The following KNTC1 variants were observed in gnomAD, a reference collection of about 807,000 sequenced individuals.
KNTC1 encodes kinetochore associated 1.
In KNTC1, 253 loss-of-function variants were observed where a neutral mutation model predicts 314.4. The ratio of observed to expected loss-of-function variants is 0.80; its 90% CI spans 0.73 to 0.89. The LOEUF is 0.89. Ranked by LOEUF, KNTC1 falls within the 40% of genes least tolerant of loss-of-function variation. The probability of loss-of-function intolerance (pLI) is 0.00; values close to 1 mark genes in which losing one functional copy is unlikely to be tolerated. For missense variants in KNTC1, 2,475 were observed against 2,572.9 expected, an observed-to-expected ratio of 0.96 and a Z score of 0.82; for synonymous variants, 901 against 901.4, an observed-to-expected ratio of 1.00 and a Z score of 0.01.
At position 122,615,483 on chromosome 12, in the gene KNTC1, G is replaced by T; in HGVS notation, c.5987G>T (p.Arg1996Met). The T allele has an allele frequency of 6.6e-7, 1 of 1,524,196 alleles. No homozygotes were observed. Among genetic ancestry groups the T allele is most frequent in the Non-Finnish European group, 8.8e-7 (1 of 1,131,482 alleles). 94.4% of individuals were successfully genotyped at this position (1,524,196 alleles called of 1,614,324 possible). A position where few individuals can be genotyped will look rare whatever the true frequency, so the allele number is the denominator to read the frequency against. The change falls in exon 57 of 64, where the codon AGG becomes ATG. Residue 1996 changes from arginine to methionine, a missense_variant. Arg to Met is a moderately conservative substitution (Grantham distance 91, BLOSUM62 -1). Transcript: ENST00000333479. ...LLGFNMIPYL[R>M]KVLKAISSIH... ...AATTTTTTACAGATTCCTTATCTAA[G>T]GAAAGTTTTAAAAGCCATCTCCAGT...
chr12:122,555,458 A>C lies in KNTC1; in HGVS notation c.1273-1926A>C, dbSNP rs557339116. Among the ~76,000 whole-genome samples the C allele has an allele frequency of 4.6e-5, 7 of 152,322 alleles. No homozygotes were observed. In the East Asian group the frequency reaches 7.7e-4, roughly 17 times the overall value. ...TCCCAGTTACTCGGGAGGCTGAGGC[A>C]GATGAATCGCTTGAATCAGAAGGCG... is the stretch of plus-strand genomic sequence containing the variant. On this transcript the variant is annotated intron_variant, in intron 16 of 63. Transcript: ENST00000333479.
Position 122,582,665 on chromosome 12 carries a change from A to G in KNTC1, c.2983-40A>G, listed in dbSNP as rs187216156. 4.0e-6 allele frequency: 6 copies of G among 1,510,018 alleles called. No homozygotes were observed. The East Asian group carries it at 6.8e-5, about 17-fold the overall frequency. The allele number at this position is 1,510,018 out of a possible 1,614,324, so 93.5% of individuals were successfully genotyped here. A position where few individuals can be genotyped will look rare whatever the true frequency, so the allele number is the denominator to read the frequency against. ...AAATGATTATTTTAAACAATAGATT[A>G]AACAGACTTGGGACTTTGTCTTGCT... On this transcript the variant is annotated intron_variant, in intron 33 of 63. Transcript: ENST00000333479.
intron 20 of KNTC1, among the ~76,000 whole-genome samples, chr12:122,564,456 T>C (rs1964173866): frequency 6.6e-6 from 1 of 152,082 alleles, no homozygotes; most frequent in Non-Finnish European, 1.5e-5. Context: ...CCACGCTCCA[T>C]TCTAGAATTA....
At chr12:122,546,528 G>A (rs1438695327) in intron 9 of KNTC1, 94 bp from the exon 10 acceptor site, 2 of 823,612 alleles carry the variant, frequency 2.4e-6, no homozygotes, top group African/African-American at 1.7e-5. Context: ...TAGTAATTAT[G>A]TAGTTCTGCC....
At chr12:122,540,321 T>A (rs1962205444) in intron 5 of KNTC1, among the ~76,000 whole-genome samples, 1 of 151,704 alleles carries the variant, frequency 6.6e-6, no homozygotes. Flanking sequence ...TACAGGCACC[T>A]GCCACCACGC....
intron 16 of KNTC1, among the ~76,000 whole-genome samples, chr12:122,556,917 CTTTTTTTT>C (rs35101646): frequency 2.3e-5 from 2 of 88,290 alleles, no homozygotes; most frequent in African/African-American, 4.6e-5. Flanking sequence ...AATTTTCCCT[CTTTTTTTT>C]TTTTTTTTTT....
At chr12:122,576,353 G>A (rs1057384741) in intron 29 of KNTC1, among the ~76,000 whole-genome samples, 1 of 152,084 alleles carries the variant, frequency 6.6e-6, no homozygotes. Context: ...ACAGGCGTGA[G>A]CTACCGCTCC....
chr12:122,577,109 G>T (rs1007043526), intron 30 of KNTC1, 80 bp downstream of exon 30: 2 of 1,116,540 alleles, frequency 1.8e-6, no homozygotes, highest in Non-Finnish European at 2.4e-6. Context: ...ACAGGGTCTC[G>T]CTCCATTGCC....
intron 43 of KNTC1, among the ~76,000 whole-genome samples, chr12:122,595,578 G>A (rs963611749): frequency 1.3e-5 from 2 of 152,198 alleles, no homozygotes; most frequent in Admixed American, 6.5e-5. Flanking sequence ...GGGAAAGACC[G>A]TGGCTGTCAC....
At position 122,571,131 on chromosome 12, in the gene KNTC1, G is replaced by T. The variant is rs374138856; in HGVS notation, c.2019+5G>T. The stretch of plus-strand genomic sequence containing the variant: ...TCCTGGCATTGGATTTCCTTGGTAT[G>T]ATGTGAGAATGGATTTTTAGTAATG... On this transcript the variant is annotated splice_donor_5th_base_variant and intron_variant, in intron 24 of 63. Transcript: ENST00000333479. 2 of 1,603,286 alleles carry T rather than the reference G, an allele frequency of 1.2e-6. No individual in the cohort carries two copies. Among genetic ancestry groups the T allele is most frequent in the East Asian group, 4.5e-5 (2 of 44,786 alleles).
intron 31 of KNTC1, among the ~76,000 whole-genome samples, chr12:122,578,650 C>T (rs1593593084): frequency 6.6e-6 from 1 of 152,100 alleles, no homozygotes; most frequent in South Asian, 2.1e-4. Context: ...AAACTCCTGA[C>T]GCCAACTGAT....
chr12:122,543,740 T>C (rs1473298928), intron 7 of KNTC1, 106 bp downstream of exon 7: 2 of 661,724 alleles, frequency 3.0e-6, no homozygotes, highest in Non-Finnish European at 5.0e-6. Flanking sequence ...TTTTAGAAAT[T>C]ATTATGATAT....
intron 3 of KNTC1, among the ~76,000 whole-genome samples, chr12:122,536,084 T>TA (rs1448110001): frequency 6.7e-6 from 1 of 149,148 alleles, no homozygotes; most frequent in African/African-American, 2.5e-5. Flanking sequence ...TTTTTTTTTT[T>TA]AGTAGAGACA....
At chr12:122,559,527 G>T (rs1212863294) in intron 18 of KNTC1, among the ~76,000 whole-genome samples, 1 of 151,532 alleles carries the variant, frequency 6.6e-6, no homozygotes, top group Admixed American at 6.6e-5. Context: ...TTTATATTTT[G>T]TTAAAAAATA....
chr12:122,610,723 G>T, intron 52 of KNTC1, 99 bp from the exon 53 acceptor site: 1 of 739,338 alleles, frequency 1.4e-6, no homozygotes. Flanking sequence ...CTGCCTTTGA[G>T]TTGTCTAATG....
intron 43 of KNTC1, among the ~76,000 whole-genome samples, chr12:122,596,974 A>C (rs1871139287): frequency 6.6e-6 from 1 of 151,544 alleles, no homozygotes; most frequent in Non-Finnish European, 1.5e-5. Flanking sequence ...TTCCTTTTCT[A>C]CTTCTTTAAG....
chr12:122,608,109 T>G (rs990757788), intron 51 of KNTC1, among the ~76,000 whole-genome samples: 1 of 152,132 alleles, frequency 6.6e-6, no homozygotes, highest in African/African-American at 2.4e-5. Context: ...AATATGACAT[T>G]AGGGTTTTGT....
chr12:122,562,123 T>C, intron 19 of KNTC1, 149 bp downstream of exon 19: 1 of 744,806 alleles, frequency 1.3e-6, no homozygotes, highest in East Asian at 2.7e-5. Context: ...TAATAGGTAC[T>C]TACTTTATAA....
At position 122,625,840 on chromosome 12, in the gene KNTC1, CA is replaced by C. The variant is rs745909173; in HGVS notation, c.6607-364del. 2.6e-5 allele frequency among the ~76,000 whole-genome samples: 4 copies of C among 152,098 alleles called. No homozygotes were observed. The East Asian group carries it at 5.8e-4, about 22-fold the overall frequency. On this transcript the variant is annotated intron_variant, in intron 63 of 63. Transcript: ENST00000333479. ...GCTTTATTTTTTATTTGCTGTTTTT[CA>C]GATCGGAATATTTTGGTAGCTTTAG...
Sources: gnomAD v4.1 joint callset for allele counts (sites outside exome capture counted in the v4.1 genomes callset) on GRCh38, gnomAD v4.1.1 for gene constraint, MANE v1.5 for transcripts, NCBI Gene and HGNC (gene_info 2026-07-23, HGNC 2026-07-21) for gene names.